Variants in CPS1 observed in about 807,000 individuals in gnomAD.
CPS1 encodes the protein carbamoyl-phosphate synthase [ammonia], mitochondrial.
In CPS1, 109 loss-of-function variants were observed where a neutral mutation model predicts 174.6. The observed-to-expected ratio is 0.62, with a 90% CI of 0.53 to 0.73. The LOEUF is 0.73. Among genes scored for constraint, CPS1 ranks in the 30% least tolerant of loss-of-function variants. CPS1 has a pLI of 0.00. For synonymous variants in CPS1, 637 were observed against 632.0 expected, an observed-to-expected ratio of 1.01 and a Z score of -0.12; for missense variants, 1,689 against 1,821.9, an observed-to-expected ratio of 0.93 and a Z score of 1.33.
At chr2:210,640,813 C>T (rs530505683) in intron 24 of CPS1, among the ~76,000 whole-genome samples, 1 of 152,130 alleles carries the variant, frequency 6.6e-6, no homozygotes, top group Non-Finnish European at 1.5e-5. Context: ...TGTTAGTTTA[C>T]CAATCTTTGG....
chr2:210,515,147 C>G (rs954304872), intron 1 of CPS1, among the ~76,000 whole-genome samples: 3 of 151,310 alleles, frequency 2.0e-5, no homozygotes, highest in African/African-American at 7.3e-5. Flanking sequence ...GAATATTGGC[C>G]TGCATTTTGT....
Position 210,675,798 on chromosome 2 carries a change from C to T in CPS1, c.4232C>T (p.Pro1411Leu), listed in dbSNP as rs1202306773. The T allele has an allele frequency of 1.2e-5, 19 of 1,603,226 alleles. No individual in the cohort carries two copies. Among genetic ancestry groups the T allele is most frequent in the Middle Eastern group, 1.7e-4 (1 of 6,040 alleles). ...GTCCCTGCCACCCCAGTGGCATGGCCGTCTCAAGAAGGACAGAATCCCAGC... is the reference window on the plus strand; with the variant it reads ...GTCCCTGCCACCCCAGTGGCATGGCTGTCTCAAGAAGGACAGAATCCCAGC... ...NNVPATPVAW[P>L]SQEGQNPSLS... The change falls in exon 36 of 38, where the codon CCG becomes CTG. Residue 1411 changes from proline to leucine, a missense_variant. Transcript: ENST00000233072.
chr2:210,645,725 G>A (rs1700358464), intron 25 of CPS1, among the ~76,000 whole-genome samples: 1 of 152,210 alleles, frequency 6.6e-6, no homozygotes, highest in Non-Finnish European at 1.5e-5. Flanking sequence ...GGAGATTGCA[G>A]TGAGCTGAGA....
intron 28 of CPS1, among the ~76,000 whole-genome samples, chr2:210,652,985 T>C (rs1376098740): frequency 1.3e-5 from 2 of 152,140 alleles, no homozygotes; most frequent in East Asian, 3.9e-4. Flanking sequence ...AGGAAGAAAG[T>C]GTTTTTCAGA....
chr2:210,672,217 G>T (rs1701331146), intron 34 of CPS1: 1 of 152,136 alleles, frequency 6.6e-6, no homozygotes, highest in Admixed American at 6.5e-5. Context: ...TGGTACTTTA[G>T]AAACCTGGTT....
At chr2:210,526,921 C>T (rs1695987874) in intron 1 of CPS1, among the ~76,000 whole-genome samples, 1 of 151,908 alleles carries the variant, frequency 6.6e-6, no homozygotes, top group Non-Finnish European at 1.5e-5. Context: ...TATGACATTT[C>T]TATTTGGTAA....
chr2:210,642,988 CATA>C (rs908065190), intron 25 of CPS1, among the ~76,000 whole-genome samples: 48 of 152,316 alleles, frequency 3.2e-4, no homozygotes, highest in African/African-American at 1.1e-3. Flanking sequence ...GATGATCCCT[CATA>C]AATATCTTGC....
intron 28 of CPS1, among the ~76,000 whole-genome samples, chr2:210,653,487 T>A (rs1700617850): frequency 6.6e-6 from 1 of 152,110 alleles, no homozygotes; most frequent in Non-Finnish European, 1.5e-5. Context: ...AGAAGTGGCA[T>A]AAGACAAATC....
chr2:210,627,328 A>G (rs1400672732), intron 21 of CPS1, among the ~76,000 whole-genome samples: 2 of 152,304 alleles, frequency 1.3e-5, no homozygotes, highest in African/African-American at 2.4e-5. Context: ...AGATTTGTAT[A>G]TATTTATACA....
intron 1 of CPS1, among the ~76,000 whole-genome samples, chr2:210,494,721 G>T (rs943808664): frequency 1.3e-5 from 2 of 152,200 alleles, no homozygotes; most frequent in African/African-American, 4.8e-5. Flanking sequence ...TGCACAAGCT[G>T]TCTCCTTTTT....
intron 1 of CPS1, among the ~76,000 whole-genome samples, chr2:210,567,802 C>T (rs1430506338): frequency 6.6e-6 from 1 of 152,124 alleles, no homozygotes; most frequent in East Asian, 1.9e-4. Context: ...CTTTCATCTT[C>T]TATCTTTTAG....
intron 13 of CPS1, among the ~76,000 whole-genome samples, chr2:210,597,115 A>G (rs959956909): frequency 6.6e-6 from 1 of 151,888 alleles, no homozygotes; most frequent in Non-Finnish European, 1.5e-5. Flanking sequence ...ATTCAGAAAA[A>G]TACTTAAATA....
intron 6 of CPS1, among the ~76,000 whole-genome samples, chr2:210,586,895 A>G (rs780854747): frequency 2.0e-5 from 3 of 152,020 alleles, no homozygotes; most frequent in Non-Finnish European, 2.9e-5. Context: ...AACTTCATTC[A>G]TTATCTTGTA....
intron 25 of CPS1, among the ~76,000 whole-genome samples, chr2:210,645,166 C>T (rs972514537): frequency 2.0e-5 from 3 of 152,092 alleles, no homozygotes; most frequent in Non-Finnish European, 2.9e-5. Context: ...AACATGTTCT[C>T]ATACTGAATT....
Position 210,660,670 on chromosome 2 carries a change from A to T in CPS1, c.3927+15A>T. ...TTGCAATTAAGGTAACATTTTCAAA[A>T]ATTTATTAGTCATTTTATGAGTTCT... is the stretch of plus-strand genomic sequence containing the variant. On this transcript the variant is annotated intron_variant, in intron 32 of 37. Transcript: ENST00000233072. 1 of 1,609,726 alleles carries T rather than the reference A, an allele frequency of 6.2e-7. No individual in the cohort carries two copies. The highest frequency in any genetic ancestry group is 8.5e-7 in the Non-Finnish European group (1 of 1,176,002).
intron 6 of CPS1, among the ~76,000 whole-genome samples, chr2:210,584,918 T>A (rs1247495906): frequency 6.6e-6 from 1 of 152,096 alleles, no homozygotes; most frequent in Non-Finnish European, 1.5e-5. Context: ...TATGTTTGTT[T>A]GCTTCTCTAC....
chr2:210,673,929 G>A (rs995384636), intron 34 of CPS1: 8 of 152,128 alleles, frequency 5.3e-5, no homozygotes, highest in African/African-American at 1.9e-4. Context: ...TGTCATCACT[G>A]TTTTTGAGTG....
At chr2:210,511,328 C>A (rs553865551) in intron 1 of CPS1, among the ~76,000 whole-genome samples, 73 of 151,978 alleles carry the variant, frequency 4.8e-4, no homozygotes, top group African/African-American at 1.5e-3. Flanking sequence ...GGGAAATGAA[C>A]AATGAGAACA....
chr2:210,588,357 C>G (rs1431324188), intron 7 of CPS1, among the ~76,000 whole-genome samples: 1 of 151,350 alleles, frequency 6.6e-6, no homozygotes, highest in African/African-American at 2.4e-5. Flanking sequence ...AAAAAAAAAC[C>G]TCAAGGGCCA....
Sources: gnomAD v4.1 joint callset for allele counts (sites outside exome capture counted in the v4.1 genomes callset) on GRCh38, gnomAD v4.1.1 for gene constraint, MANE v1.5 for transcripts, NCBI Gene and HGNC (gene_info 2026-07-23, HGNC 2026-07-21) for gene names.